INTS7: variants seen among roughly 807,000 people sequenced by gnomAD.
INTS7 encodes chromosome 1 open reading frame 73.
A neutral mutation model predicts 109.2 loss-of-function variants in INTS7; 46 were observed. The observed-to-expected ratio is 0.42, with a 90% confidence interval of 0.33 to 0.54. INTS7 has a LOEUF of 0.54. Ranked by LOEUF, INTS7 falls within the 20% of genes least tolerant of loss-of-function variation. The pLI, the probability that INTS7 is intolerant of heterozygous loss-of-function variation, is 0.07. For missense variants in INTS7, 929 were observed against 1,132.4 expected (o/e 0.82, Z 2.58); for synonymous variants, 412 against 402.9 (o/e 1.02, Z -0.27).
chr1:211,941,603 C>G lies in INTS7; in HGVS notation c.*221G>C, dbSNP rs1662632444. The G allele has an allele frequency of 2.7e-5, 16 of 585,254 alleles. No individual in the cohort carries two copies. The South Asian group carries it at 3.4e-4, about 12-fold the overall frequency. The allele number at this position is 585,254 out of a possible 1,614,324, so 36.3% of individuals were successfully genotyped here. On this transcript the variant is annotated 3_prime_UTR_variant, in exon 20 of 20. Coordinates refer to ENST00000366994, the MANE Select transcript of INTS7 (RefSeq NM_015434.4). The stretch of plus-strand genomic sequence containing the variant: ...CTTGATCTCCTCGTGAGCCGCCCAC[C>G]TCAGCCTCCCAAAGTGCTGGGATTA...
Position 211,978,505 on chromosome 1 carries a change from G to A in INTS7, c.1237C>T (p.Leu413=). ...TTGGCCAACTTCACCATACAGTTTA[G>A]AGCAATCTGCACGCCAAAAAGAAAA... ...PGAQATLKIA[L]NCMVKLAKGR... Residue 413 remains leucine (L), a synonymous_variant, in exon 11 of 20, where the codon CTA becomes TTA. Coordinates refer to ENST00000366994, the MANE Select transcript of INTS7 (RefSeq NM_015434.4). 6.2e-7 allele frequency: 1 copy of A among 1,614,136 alleles called. No homozygotes were observed. The highest frequency in any genetic ancestry group is 1.1e-5 in the South Asian group (1 of 91,060).
At chr1:212,016,642 T>G (rs954526693) in intron 4 of INTS7, among the ~76,000 whole-genome samples, 1 of 152,268 alleles carries the variant, frequency 6.6e-6, no homozygotes, top group Non-Finnish European at 1.5e-5. Flanking sequence ...TAATCTATGC[T>G]GATCCTGTCC....
At chr1:211,970,879 T>C (rs572705829) in intron 13 of INTS7, among the ~76,000 whole-genome samples, 1 of 152,194 alleles carries the variant, frequency 6.6e-6, no homozygotes, top group African/African-American at 2.4e-5. Flanking sequence ...ACATAACCTG[T>C]GCAATTCCAC....
rs1662841094 is a variant in INTS7, at chr1:211,946,237, C to G, written c.2415+370G>C. On this transcript the variant is annotated intron_variant, in intron 18 of 19. Coordinates refer to ENST00000366994, the MANE Select transcript of INTS7 (RefSeq NM_015434.4). The surrounding 1 kb of genome is among the most constrained non-coding windows in gnomAD (Gnocchi z 4.3). ...GTGGCTCATGCCTGTAATCCCAGCA[C>G]TTTGGGAGGCAGAGGTGGGTGGATC... Among the ~76,000 whole-genome samples, 1 of 152,196 alleles carries G rather than the reference C, an allele frequency of 6.6e-6. No individual in the cohort carries two copies. Among genetic ancestry groups the G allele is most frequent in the Admixed American group, 6.5e-5 (1 of 15,286 alleles).
At position 211,946,590 on chromosome 1, in the gene INTS7, T is replaced by C; in HGVS notation, c.2415+17A>G. 1 of 1,444,440 alleles carries C rather than the reference T, an allele frequency of 6.9e-7. No homozygotes were observed. Among genetic ancestry groups the C allele is most frequent in the Non-Finnish European group, 9.7e-7 (1 of 1,026,214 alleles). 89.5% of individuals were successfully genotyped at this position (1,444,440 alleles called of 1,614,324 possible). ...GTTTTAAAACCTATATTAACCTTAGTATTCTTCCTGTATTACCTTGATGCT... is the reference window on the plus strand; with the variant it reads ...GTTTTAAAACCTATATTAACCTTAGCATTCTTCCTGTATTACCTTGATGCT... On this transcript the variant is annotated intron_variant, in intron 18 of 19. Transcript: ENST00000366994. The surrounding 1 kb of genome is among the most constrained non-coding windows in gnomAD (Gnocchi z 4.3).
chr1:211,981,186 A>C lies in INTS7; in HGVS notation c.1137T>G (p.Leu379=). 6.2e-7 allele frequency: 1 copy of C among 1,605,326 alleles called. No homozygotes were observed. Among genetic ancestry groups the C allele is most frequent in the Non-Finnish European group, 8.5e-7 (1 of 1,172,204 alleles). The change falls in exon 10 of 20, where the codon CTT becomes CTG. Residue 379 remains leucine (L), a synonymous_variant. Coordinates refer to ENST00000366994, the MANE Select transcript of INTS7 (RefSeq NM_015434.4). ...AGACAGCATCTTGTTCCAGTGCCAA[A>C]AGATCTAGAAGAAAAACAGTAAACT... ...NITVSCQEKD[L]LALEQDAVFG...
chr1:211,942,228 A>T lies in INTS7; in HGVS notation c.2602-117T>A, dbSNP rs1662661326. 1.9e-6 allele frequency: 2 copies of T among 1,071,750 alleles called. No individual in the cohort carries two copies. Among genetic ancestry groups the T allele is most frequent in the Non-Finnish European group, 2.7e-6 (2 of 735,274 alleles). 66.4% of individuals were successfully genotyped at this position (1,071,750 alleles called of 1,614,324 possible). A position where few individuals can be genotyped will look rare whatever the true frequency, so the allele number is the denominator to read the frequency against. ...CCATGCAGACAATAAAAAATTAGGTACTGCTATCATCCTTGCTTCACCGAT... is the reference window on the plus strand; with the variant it reads ...CCATGCAGACAATAAAAAATTAGGTTCTGCTATCATCCTTGCTTCACCGAT... On this transcript the variant is annotated intron_variant, in intron 19 of 19. Coordinates refer to ENST00000366994, the MANE Select transcript of INTS7 (RefSeq NM_015434.4). This position sits in a 1 kb window ranked among gnomAD's most constrained non-coding sequence, Gnocchi z 4.2.
chr1:211,952,756 CCTA>C (rs1264641912), intron 16 of INTS7, 55 bp from the exon 17 acceptor site: 7 of 1,371,686 alleles, frequency 5.1e-6, no homozygotes, highest in Non-Finnish European at 7.2e-6. Context: ...CTATTTAATG[CCTA>C]CATGTATCAG....
At chr1:212,006,398 G>A (rs17018335) in intron 7 of INTS7, among the ~76,000 whole-genome samples, 5,652 of 152,190 alleles carry the variant, frequency 0.037, 160 homozygotes, top group African/African-American at 0.084. Context: ...CACTATGGGA[G>A]AATGAACAAG....
At chr1:211,981,223 A>AC (rs1320285986) in intron 9 of INTS7, 33 bp from the exon 10 acceptor site, 1 of 1,375,910 alleles carries the variant, frequency 7.3e-7, no homozygotes, top group Non-Finnish European at 1.0e-6. Flanking sequence ...TATGATGGTC[A>AC]AGTGATGTGT....
chr1:212,026,044 G>A (rs1191663462), intron 1 of INTS7, among the ~76,000 whole-genome samples: 2 of 152,098 alleles, frequency 1.3e-5, no homozygotes, highest in African/African-American at 4.8e-5. Context: ...AGCTACTAGG[G>A]AGGCTGAGGC....
chr1:211,974,061 C>A (rs1313894771), intron 13 of INTS7, among the ~76,000 whole-genome samples: 1 of 151,964 alleles, frequency 6.6e-6, no homozygotes, highest in Non-Finnish European at 1.5e-5. Context: ...CAGAATTTTT[C>A]ATAAAATTAA....
intron 8 of INTS7, among the ~76,000 whole-genome samples, chr1:211,983,936 C>T (rs1664778884): frequency 6.6e-6 from 1 of 151,936 alleles, no homozygotes; most frequent in Non-Finnish European, 1.5e-5. Flanking sequence ...CAGATCACAG[C>T]TCACTATAGT....
chr1:211,980,675 C>T (rs925682643), intron 10 of INTS7, among the ~76,000 whole-genome samples: 8 of 152,024 alleles, frequency 5.3e-5, no homozygotes, highest in Non-Finnish European at 1.2e-4. Flanking sequence ...TAGGCTCATG[C>T]AATCCTTCCA....
At chr1:212,017,088 G>A in intron 3 of INTS7, 65 bp from the exon 4 acceptor site, 1 of 1,362,076 alleles carries the variant, frequency 7.3e-7, no homozygotes, top group Non-Finnish European at 9.9e-7. Flanking sequence ...AAAAGTAAGA[G>A]GCAAGGCAAA....
intron 7 of INTS7, among the ~76,000 whole-genome samples, chr1:211,998,329 T>C (rs1400047849): frequency 6.6e-6 from 1 of 152,110 alleles, no homozygotes; most frequent in Admixed American, 6.5e-5. Flanking sequence ...ATTCCAAGAG[T>C]TGCCATAAAA....
chr1:212,022,180 C>T (rs980914950), intron 1 of INTS7, among the ~76,000 whole-genome samples: 1 of 152,148 alleles, frequency 6.6e-6, no homozygotes, highest in South Asian at 2.1e-4. Flanking sequence ...GAACCACAGA[C>T]CTCAGTGTAA....
intron 5 of INTS7, among the ~76,000 whole-genome samples, chr1:212,010,972 T>A (rs900602507): frequency 6.6e-6 from 1 of 152,288 alleles, no homozygotes; most frequent in South Asian, 2.1e-4. Context: ...AAGTATCACC[T>A]CATCAGAGAC....
chr1:212,021,680 TA>T (rs1169512759), intron 1 of INTS7, among the ~76,000 whole-genome samples: 3,678 of 127,034 alleles, frequency 0.029, 108 homozygotes, highest in African/African-American at 0.089. Context: ...CCTCATCTCT[TA>T]AAAAAAAAAA....
Sources: gnomAD v4.1 joint callset for allele counts (sites outside exome capture counted in the v4.1 genomes callset) on GRCh38, gnomAD v4.1.1 for gene constraint, Gnocchi (gnomAD v3.1) non-coding constraint, MANE v1.5 for transcripts, NCBI Gene and HGNC (gene_info 2026-07-23, HGNC 2026-07-21) for gene names.